Variants in PDE7A observed in about 807,000 individuals in gnomAD.
The protein encoded by PDE7A is phosphodiesterase 7A, also known as high affinity 3',5'-cyclic-AMP phosphodiesterase 7A.
PDE7A carries 39 observed loss-of-function variants against 64.3 expected under a neutral mutation model. The observed-to-expected ratio is 0.61, with a 90% confidence interval of 0.47 to 0.79. The LOEUF (loss-of-function observed/expected upper bound fraction) is 0.79, where lower values mean the gene tolerates loss of function less well. PDE7A is among the 30% of genes least tolerant of loss of function. PDE7A has a pLI of 0.00. For synonymous variants in PDE7A, 203 were observed against 206.8 expected, an observed-to-expected ratio of 0.98 and a Z score of 0.16; for missense variants, 470 against 582.8, an observed-to-expected ratio of 0.81 and a Z score of 1.99.
chr8:65,813,320 A>C (rs1318932342), intron 1 of PDE7A, among the ~76,000 whole-genome samples: 1 of 152,180 alleles, frequency 6.6e-6, no homozygotes, highest in African/African-American at 2.4e-5. Flanking sequence ...GTACTATTAA[A>C]AAAAAATACA....
intron 3 of PDE7A, among the ~76,000 whole-genome samples, chr8:65,758,622 T>C (rs556653884): frequency 5.5e-4 from 84 of 152,364 alleles, no homozygotes; most frequent in African/African-American, 1.7e-3. Context: ...CCCTCTGTTA[T>C]GGACAGTGTT....
intron 3 of PDE7A, among the ~76,000 whole-genome samples, chr8:65,749,076 C>G (rs1372408114): frequency 6.6e-6 from 1 of 152,194 alleles, no homozygotes; most frequent in Non-Finnish European, 1.5e-5. Context: ...CTGGGAAGCA[C>G]ATTCAGTACA....
intron 3 of PDE7A, among the ~76,000 whole-genome samples, chr8:65,764,122 A>C (rs1397037902): frequency 2.0e-5 from 3 of 152,232 alleles, no homozygotes; most frequent in Non-Finnish European, 2.9e-5. Context: ...AATCTCTACA[A>C]GCACCACTTT....
At chr8:65,785,358 AAAAT>A (rs1183683883) in intron 1 of PDE7A, among the ~76,000 whole-genome samples, 1 of 152,220 alleles carries the variant, frequency 6.6e-6, no homozygotes, top group Non-Finnish European at 1.5e-5. Context: ...ATTGAAAAGT[AAAAT>A]AAAAATCTAC....
intron 3 of PDE7A, among the ~76,000 whole-genome samples, chr8:65,757,433 T>C (rs1808283929): frequency 6.6e-6 from 1 of 152,174 alleles, no homozygotes; most frequent in South Asian, 2.1e-4. Flanking sequence ...CAGTCCATCA[T>C]AGTGCATGAC....
At chr8:65,818,170 C>T (rs1810460548) in intron 1 of PDE7A, among the ~76,000 whole-genome samples, 1 of 152,118 alleles carries the variant, frequency 6.6e-6, no homozygotes, top group South Asian at 2.1e-4. Context: ...TAATTTAAGT[C>T]TTTACTAAAT....
In PDE7A at chr8:65,718,495, A is replaced by G. The variant is rs1434190782; in HGVS notation, c.*795T>C. On this transcript the variant is annotated 3_prime_UTR_variant, in exon 13 of 13. Transcript: ENST00000401827. ...TGTACAGTAGTGAAAACAACATGCA[A>G]TGTCTTCACTGCAGAATCATAATAC... 1 of 152,256 alleles carries G rather than the reference A, an allele frequency of 6.6e-6. No homozygotes were observed. Among genetic ancestry groups the G allele is most frequent in the African/African-American group, 2.4e-5 (1 of 41,460 alleles). 9.4% of individuals were successfully genotyped at this position (152,256 alleles called of 1,614,324 possible).
chr8:65,746,454 T>C (rs1386733541), intron 4 of PDE7A, among the ~76,000 whole-genome samples: 1 of 152,178 alleles, frequency 6.6e-6, no homozygotes, highest in Non-Finnish European at 1.5e-5. Context: ...TATCTAAATA[T>C]GCTTATAAAA....
At chr8:65,782,185 C>T (rs757579323) in intron 2 of PDE7A, among the ~76,000 whole-genome samples, 66 of 152,080 alleles carry the variant, frequency 4.3e-4, no homozygotes, top group Non-Finnish European at 3.2e-4. Flanking sequence ...TCTTAATATG[C>T]ATGTTTAATA....
At chr8:65,744,815 C>A (rs12677891) in intron 5 of PDE7A, among the ~76,000 whole-genome samples, 26,701 of 152,148 alleles carry the variant, frequency 0.18, 3,073 homozygotes, top group East Asian at 0.51. Context: ...GATGATGATA[C>A]TAATGATGAT....
chr8:65,768,848 A>G (rs970978577), intron 3 of PDE7A, among the ~76,000 whole-genome samples: 5 of 152,212 alleles, frequency 3.3e-5, no homozygotes, highest in Non-Finnish European at 7.3e-5. Flanking sequence ...AATAAAAGAT[A>G]TAATCAAAAA....
chr8:65,819,087 A>G (rs1160615653), intron 1 of PDE7A, among the ~76,000 whole-genome samples: 2 of 152,240 alleles, frequency 1.3e-5, no homozygotes, highest in African/African-American at 4.8e-5. Context: ...CAGAGCACTG[A>G]AATGGCTGCT....
chr8:65,739,065 G>A (rs188359427), intron 6 of PDE7A, among the ~76,000 whole-genome samples: 6 of 152,334 alleles, frequency 3.9e-5, no homozygotes, highest in African/African-American at 1.2e-4. Flanking sequence ...CAGCGGCCTG[G>A]GGATATCAGC....
intron 3 of PDE7A, among the ~76,000 whole-genome samples, chr8:65,752,678 A>G (rs1808022371): frequency 6.6e-6 from 1 of 152,210 alleles, no homozygotes. Context: ...CAATATACAA[A>G]TTTAAATCTT....
At position 65,754,890 on chromosome 8, in the gene PDE7A, G is replaced by C. The variant is rs192516934; in HGVS notation, c.284-7087C>G. Among the ~76,000 whole-genome samples, 273 of 149,214 alleles carry C rather than the reference G, an allele frequency of 1.8e-3. 1 individual carries two copies. The highest frequency in any genetic ancestry group is 6.5e-3 in the African/African-American group (265 of 40,990). On this transcript the variant is annotated intron_variant, in intron 3 of 12. Coordinates refer to ENST00000401827, the MANE Select transcript of PDE7A (RefSeq NM_001242318.3). ...TGAGGCAGGAGAATCGCCTGAACCC[G>C]GGAGGCGGAGGTTGCAGTGAGCCGA...
At chr8:65,734,575 C>G (rs1299224007) in intron 7 of PDE7A, among the ~76,000 whole-genome samples, 1 of 152,168 alleles carries the variant, frequency 6.6e-6, no homozygotes, top group Non-Finnish European at 1.5e-5. Flanking sequence ...CTGGCCCTTG[C>G]TTGGGCTTCT....
chr8:65,798,575 A>G (rs1809917624), intron 1 of PDE7A, among the ~76,000 whole-genome samples: 1 of 152,142 alleles, frequency 6.6e-6, no homozygotes, highest in Non-Finnish European at 1.5e-5. Flanking sequence ...AAAGATTTAA[A>G]CAGACGAGTC....
intron 4 of PDE7A, among the ~76,000 whole-genome samples, chr8:65,746,861 G>C (rs1217267402): frequency 1.3e-5 from 2 of 152,080 alleles, no homozygotes; most frequent in Non-Finnish European, 2.9e-5. Flanking sequence ...TAATTGTAAA[G>C]AAGACACCCC....
At chr8:65,788,392 T>C (rs1809615793) in intron 1 of PDE7A, among the ~76,000 whole-genome samples, 1 of 152,184 alleles carries the variant, frequency 6.6e-6, no homozygotes, top group African/African-American at 2.4e-5. Flanking sequence ...CATTATATTA[T>C]AGCTAAGGCA....
Sources: gnomAD v4.1 joint callset for allele counts (sites outside exome capture counted in the v4.1 genomes callset) on GRCh38, gnomAD v4.1.1 for gene constraint, MANE v1.5 for transcripts, NCBI Gene and HGNC (gene_info 2026-07-23, HGNC 2026-07-21) for gene names.